NCKAP5: variants seen among roughly 807,000 people sequenced by gnomAD.
The protein encoded by NCKAP5 is nck-associated protein 5.
In NCKAP5, 92 loss-of-function variants were observed where a neutral mutation model predicts 167.0. That is an observed-to-expected ratio of 0.55 (90% CI 0.47 to 0.66). NCKAP5 has a LOEUF of 0.66. Among genes scored for constraint, NCKAP5 ranks in the 30% least tolerant of loss-of-function variants. The probability of loss-of-function intolerance (pLI) is 0.00; values close to 1 mark genes in which losing one functional copy is unlikely to be tolerated. For synonymous variants in NCKAP5, 891 were observed against 877.4 expected, an observed-to-expected ratio of 1.02 and a Z score of -0.27; for missense variants, 2,378 against 2,315.0, an observed-to-expected ratio of 1.03 and a Z score of -0.56.
chr2:133,652,190 C>T, the NCKAP5 span, among the ~76,000 whole-genome samples: 1 of 152,148 alleles, frequency 6.6e-6, no homozygotes, highest in African/African-American at 2.4e-5. Flanking sequence ...TGGAGATTCA[C>T]TCATGTAATT....
chr2:133,614,773 C>T, the NCKAP5 span, among the ~76,000 whole-genome samples: 249 of 151,310 alleles, frequency 1.6e-3, no homozygotes, highest in African/African-American at 5.7e-3. Context: ...GGCAGGCCAA[C>T]ATTCAGATTC....
intron 6 of NCKAP5, among the ~76,000 whole-genome samples, chr2:133,063,148 T>TAATTAATCACAG (rs2080068227): frequency 6.6e-6 from 1 of 152,148 alleles, no homozygotes. Context: ...AACTCCAGAT[T>TAATTAATCACAG]AATTAATCAC....
chr2:133,522,586 G>T (rs180801190), intron 2 of NCKAP5, among the ~76,000 whole-genome samples: 56 of 152,306 alleles, frequency 3.7e-4, no homozygotes, highest in African/African-American at 1.3e-3. Context: ...CATAGCACAT[G>T]AAGAACATTT....
chr2:133,561,559 A>C (rs956805562), intron 1 of NCKAP5, among the ~76,000 whole-genome samples: 19 of 152,216 alleles, frequency 1.2e-4, no homozygotes, highest in African/African-American at 4.3e-4. Context: ...TATTCATGAG[A>C]CTATAAAACC....
chr2:133,346,371 T>C (rs1683977949), intron 3 of NCKAP5, among the ~76,000 whole-genome samples: 1 of 152,194 alleles, frequency 6.6e-6, no homozygotes, highest in Non-Finnish European at 1.5e-5. Context: ...GACTGTGAAT[T>C]TGAAAGGATT....
intron 3 of NCKAP5, among the ~76,000 whole-genome samples, chr2:133,469,063 C>T (rs1408474451): frequency 6.6e-6 from 1 of 151,354 alleles, no homozygotes; most frequent in Non-Finnish European, 1.5e-5. Flanking sequence ...ATGATGTTAG[C>T]TGGTGATTTT....
At chr2:133,086,298 T>G (rs559858139) in intron 6 of NCKAP5, among the ~76,000 whole-genome samples, 1 of 152,312 alleles carries the variant, frequency 6.6e-6, no homozygotes, top group Non-Finnish European at 1.5e-5. Flanking sequence ...TTTTATCTGA[T>G]GCCCAGCTCT....
intron 3 of NCKAP5, among the ~76,000 whole-genome samples, chr2:133,405,248 C>A (rs1301779189): frequency 3.3e-5 from 5 of 152,166 alleles, no homozygotes; most frequent in Non-Finnish European, 7.3e-5. Flanking sequence ...CTTTATTTAG[C>A]ATAGAAAGTT....
intron 3 of NCKAP5, among the ~76,000 whole-genome samples, chr2:133,421,722 A>C (rs2151093976): frequency 6.6e-6 from 1 of 152,276 alleles, no homozygotes; most frequent in East Asian, 1.9e-4. Flanking sequence ...GGTCATCAGG[A>C]CCACTGTAGC....
At chr2:133,201,669 G>A (rs1055781534) in intron 5 of NCKAP5, among the ~76,000 whole-genome samples, 4 of 152,128 alleles carry the variant, frequency 2.6e-5, no homozygotes, top group Admixed American at 6.6e-5. Flanking sequence ...ATTAGACAAT[G>A]AAGACATGCA....
At chr2:133,379,343 A>G (rs1686364957) in intron 3 of NCKAP5, among the ~76,000 whole-genome samples, 1 of 152,162 alleles carries the variant, frequency 6.6e-6, no homozygotes, top group Non-Finnish European at 1.5e-5. Context: ...ATTCTCGGAG[A>G]GACAATCATT....
chr2:132,926,209 C>A, intron 8 of NCKAP5: 1 of 397,070 alleles, frequency 2.5e-6, no homozygotes, highest in South Asian at 2.0e-5. Context: ...CATGTTTCTG[C>A]AAAAGATATG....
chr2:133,033,796 A>C (rs1472222940), intron 6 of NCKAP5, among the ~76,000 whole-genome samples: 1 of 152,068 alleles, frequency 6.6e-6, no homozygotes, highest in Non-Finnish European at 1.5e-5. Context: ...CCTGAAGACA[A>C]GCTATTTGAA....
intron 4 of NCKAP5, among the ~76,000 whole-genome samples, chr2:133,241,537 C>T (rs558903816): frequency 6.6e-6 from 1 of 152,306 alleles, no homozygotes; most frequent in South Asian, 2.1e-4. Context: ...ACATTCATTT[C>T]CAACTGTGGT....
At chr2:132,945,686 A>AG (rs1697663909) in intron 8 of NCKAP5, among the ~76,000 whole-genome samples, 1 of 152,154 alleles carries the variant, frequency 6.6e-6, no homozygotes, top group Non-Finnish European at 1.5e-5. Flanking sequence ...TAAGAAGAAA[A>AG]AGAAGTGCCT....
intron 8 of NCKAP5, among the ~76,000 whole-genome samples, chr2:132,922,552 C>T (rs948271721): frequency 6.6e-6 from 1 of 152,200 alleles, no homozygotes; most frequent in Non-Finnish European, 1.5e-5. Flanking sequence ...GGACTCATCT[C>T]CCACATCTCT....
intron 6 of NCKAP5, among the ~76,000 whole-genome samples, chr2:133,050,428 GA>G (rs1357718279): frequency 6.6e-6 from 1 of 151,760 alleles, no homozygotes; most frequent in Non-Finnish European, 1.5e-5. Context: ...ATTTAGGTAG[GA>G]AAAAAAATGA....
At chr2:132,718,683 C>T (rs930631666) in intron 19 of NCKAP5, among the ~76,000 whole-genome samples, 57 of 152,190 alleles carry the variant, frequency 3.7e-4, no homozygotes, top group African/African-American at 1.3e-3. Flanking sequence ...GGTAGCCATG[C>T]TGGGTCTTTC....
chr2:133,236,502 G>C (rs1040093018), intron 4 of NCKAP5, among the ~76,000 whole-genome samples: 1 of 152,136 alleles, frequency 6.6e-6, no homozygotes, highest in Non-Finnish European at 1.5e-5. Context: ...TAAAAGGACT[G>C]TTCTCTTAGG....
Sources: allele counts gnomAD v4.1 joint callset (sites outside exome capture counted in the v4.1 genomes callset), GRCh38; gene constraint gnomAD v4.1.1; transcripts MANE v1.5; gene names NCBI Gene and HGNC (gene_info 2026-07-23, HGNC 2026-07-21).